The following ADCY2 variants were observed in gnomAD, a reference collection of about 807,000 sequenced individuals.
ADCY2 encodes the protein adenylate cyclase type 2.
A neutral mutation model predicts 125.2 loss-of-function variants in ADCY2; 31 were observed. The observed-to-expected ratio is 0.25, with a 90% confidence interval of 0.19 to 0.33. The LOEUF is 0.33. ADCY2 is among the 10% of genes least tolerant of loss of function. The pLI, the probability that ADCY2 is intolerant of heterozygous loss-of-function variation, is 1.00. For synonymous variants in ADCY2, 512 were observed against 548.4 expected, an observed-to-expected ratio of 0.93 and a Z score of 0.93; for missense variants, 904 against 1,418.2, an observed-to-expected ratio of 0.64 and a Z score of 5.82.
chr5:7,785,227 T>C (rs954388711), intron 19 of ADCY2, among the ~76,000 whole-genome samples: 2 of 152,240 alleles, frequency 1.3e-5, no homozygotes, highest in African/African-American at 4.8e-5. Flanking sequence ...TACACTATAC[T>C]TATGAGTTTG....
At chr5:7,601,772 T>C (rs1377005788) in intron 3 of ADCY2, among the ~76,000 whole-genome samples, 1 of 152,208 alleles carries the variant, frequency 6.6e-6, no homozygotes, top group Non-Finnish European at 1.5e-5. Flanking sequence ...CATGCCTTCC[T>C]GCATTTCCCT....
intron 18 of ADCY2, among the ~76,000 whole-genome samples, chr5:7,776,667 G>A (rs549195141): frequency 6.6e-6 from 1 of 152,122 alleles, no homozygotes; most frequent in Non-Finnish European, 1.5e-5. Flanking sequence ...CATTTGAGTC[G>A]GTGGACTGGG....
At chr5:7,812,579 G>C (rs370965343) in intron 22 of ADCY2, among the ~76,000 whole-genome samples, 7 of 152,178 alleles carry the variant, frequency 4.6e-5, no homozygotes, top group African/African-American at 1.7e-4. Flanking sequence ...TGCATTGCTT[G>C]TATCCATTTA....
At chr5:7,589,480 AAGAAAGAAAGAAAGAAAG>A (rs1317870529) in intron 3 of ADCY2, among the ~76,000 whole-genome samples, 1 of 63,086 alleles carries the variant, frequency 1.6e-5, no homozygotes, top group African/African-American at 3.6e-5. Flanking sequence ...GAAAGAAAGA[AAGAAAGAAAGAAAGAAAG>A]AAAGAAAGAA....
intron 20 of ADCY2, chr5:7,799,320 A>G (rs1466450276): frequency 2.6e-5 from 4 of 152,278 alleles, no homozygotes; most frequent in East Asian, 1.9e-4. Flanking sequence ...ACCCAATGCA[A>G]CCACATGAGG....
chr5:7,520,485 A>G (rs1744402377), intron 2 of ADCY2, among the ~76,000 whole-genome samples: 1 of 152,206 alleles, frequency 6.6e-6, no homozygotes, highest in Non-Finnish European at 1.5e-5. Flanking sequence ...TTGCATCCAT[A>G]CTCATGGAGT....
intron 1 of ADCY2, among the ~76,000 whole-genome samples, chr5:7,407,196 A>G (rs542324123): frequency 2.0e-5 from 3 of 152,290 alleles, no homozygotes; most frequent in Admixed American, 2.0e-4. Flanking sequence ...TCCTTTCTCA[A>G]AAAGAAGAAT....
chr5:7,810,537 A>T (rs1003397741), intron 22 of ADCY2, among the ~76,000 whole-genome samples: 1 of 149,006 alleles, frequency 6.7e-6, no homozygotes, highest in African/African-American at 2.5e-5. Context: ...TGGTTGGTGG[A>T]TTATCTGCTT....
At chr5:7,789,987 T>G (rs926256360) in intron 20 of ADCY2, among the ~76,000 whole-genome samples, 187 bp downstream of exon 20, 4 of 152,350 alleles carry the variant, frequency 2.6e-5, no homozygotes, top group Admixed American at 2.6e-4. Context: ...GAGATATCCG[T>G]TGAGAATAGT....
intron 2 of ADCY2, among the ~76,000 whole-genome samples, chr5:7,469,670 A>G (rs915004262): frequency 5.9e-5 from 9 of 151,532 alleles, no homozygotes; most frequent in Non-Finnish European, 1.3e-4. Context: ...CTTTCTTATT[A>G]TTCTATGGTT....
chr5:7,775,436 G>C (rs912290018), intron 18 of ADCY2, among the ~76,000 whole-genome samples: 10 of 151,908 alleles, frequency 6.6e-5, no homozygotes, highest in African/African-American at 1.9e-4. Flanking sequence ...TGTTGCCCAG[G>C]CTGGAGTACA....
At chr5:7,785,162 C>T (rs12518369) in intron 19 of ADCY2, among the ~76,000 whole-genome samples, 23,326 of 152,176 alleles carry the variant, frequency 0.15, 2,528 homozygotes, top group East Asian at 0.62. Context: ...GTATTTGGAA[C>T]GAACCCATGA....
At chr5:7,708,821 C>G (rs1259022397) in intron 9 of ADCY2, among the ~76,000 whole-genome samples, 1 of 151,988 alleles carries the variant, frequency 6.6e-6, no homozygotes, top group Non-Finnish European at 1.5e-5. Context: ...ACATTACGTT[C>G]AGGTAAAGAA....
intron 14 of ADCY2, among the ~76,000 whole-genome samples, chr5:7,743,004 A>G (rs1742481976): frequency 6.6e-6 from 1 of 152,146 alleles, no homozygotes; most frequent in Admixed American, 6.5e-5. Context: ...TTAATTATTT[A>G]AGGGACCTTT....
At chr5:7,625,811 G>A (rs576811560) in intron 3 of ADCY2, among the ~76,000 whole-genome samples, 49 of 152,292 alleles carry the variant, frequency 3.2e-4, no homozygotes, top group Non-Finnish European at 6.0e-4. Context: ...CTAATGAGGT[G>A]CAAGAGAGTG....
chr5:7,534,244 C>T (rs1221937303), intron 3 of ADCY2, among the ~76,000 whole-genome samples: 4 of 152,180 alleles, frequency 2.6e-5, no homozygotes, highest in African/African-American at 9.7e-5. Flanking sequence ...GCACTGCTAG[C>T]TTTTGGTAGC....
rs183879079 is a variant in ADCY2 at position 7,528,582 on chromosome 5, G to T, written c.570+7683G>T. ...AAGAATTTATTTAAAAATAAAAAGT[G>T]ACAGCCATCCATTAACTGTCTCTAT... On this transcript the variant is annotated intron_variant, in intron 3 of 24. Coordinates refer to ENST00000338316, the MANE Select transcript of ADCY2 (RefSeq NM_020546.3). Among the ~76,000 whole-genome samples, 253 of 152,244 alleles carry T rather than the reference G, an allele frequency of 1.7e-3. 1 individual carries two copies. Among genetic ancestry groups the T allele is most frequent in the African/African-American group, 5.7e-3 (237 of 41,554 alleles).
chr5:7,637,038 A>G (rs1490696031), intron 4 of ADCY2, among the ~76,000 whole-genome samples: 1 of 152,224 alleles, frequency 6.6e-6, no homozygotes, highest in Non-Finnish European at 1.5e-5. Context: ...TTAATAATGC[A>G]TCTTTGGTAA....
intron 7 of ADCY2, among the ~76,000 whole-genome samples, chr5:7,704,152 T>C (rs970669586): frequency 1.3e-5 from 2 of 152,110 alleles, no homozygotes; most frequent in South Asian, 2.1e-4. Flanking sequence ...CATTGAGCCG[T>C]GCGTGGGATG....
Sources: allele counts gnomAD v4.1 joint callset (sites outside exome capture counted in the v4.1 genomes callset), GRCh38; gene constraint gnomAD v4.1.1; transcripts MANE v1.5; gene names NCBI Gene and HGNC (gene_info 2026-07-23, HGNC 2026-07-21).